Variants in TMTC2 observed in about 807,000 individuals in gnomAD.
TMTC2 encodes transmembrane O-mannosyltransferase targeting cadherins 2, also known as protein O-mannosyl-transferase TMTC2.
Under a neutral mutation model 82.4 loss-of-function variants are expected in TMTC2, and 43 were observed. The ratio of observed to expected loss-of-function variants is 0.52; its 90% CI spans 0.41 to 0.67. The LOEUF is 0.67. TMTC2 is among the 30% of genes least tolerant of loss of function. The probability of loss-of-function intolerance (pLI) is 0.00; values close to 1 mark genes in which losing one functional copy is unlikely to be tolerated. For missense variants in TMTC2, 919 were observed against 1,012.4 expected, an observed-to-expected ratio of 0.91 and a Z score of 1.25; for synonymous variants, 408 against 381.9, an observed-to-expected ratio of 1.07 and a Z score of -0.80.
At chr12:83,108,503 G>A (rs113228315) in intron 11 of TMTC2, among the ~76,000 whole-genome samples, 4 of 152,096 alleles carry the variant, frequency 2.6e-5, no homozygotes, top group South Asian at 2.1e-4. Context: ...GGTGGCACAC[G>A]CCTGTAGTCC....
intron 2 of TMTC2, among the ~76,000 whole-genome samples, chr12:82,866,744 A>G (rs1448038580): frequency 6.6e-6 from 1 of 152,214 alleles, no homozygotes; most frequent in Non-Finnish European, 1.5e-5. Context: ...CTAGAAGTTC[A>G]GTTCCTATCT....
chr12:83,005,873 C>G (rs1880177069), intron 8 of TMTC2, among the ~76,000 whole-genome samples: 1 of 152,182 alleles, frequency 6.6e-6, no homozygotes, highest in African/African-American at 2.4e-5. Flanking sequence ...GAAAGACAGC[C>G]CTGTTCTCTC....
intron 1 of TMTC2, among the ~76,000 whole-genome samples, chr12:82,836,371 A>G (rs571424336): frequency 4.6e-5 from 7 of 152,340 alleles, no homozygotes; most frequent in African/African-American, 1.7e-4. Flanking sequence ...GGTTGGACCC[A>G]GTGCATTCAC....
chr12:82,953,172 C>T (rs1247164486), intron 4 of TMTC2, among the ~76,000 whole-genome samples: 2 of 152,198 alleles, frequency 1.3e-5, no homozygotes, highest in Non-Finnish European at 2.9e-5. Flanking sequence ...AGGAAGTGCG[C>T]TCCTTTCAGG....
At chr12:82,845,183 C>G (rs137934572) in intron 1 of TMTC2, among the ~76,000 whole-genome samples, 3,596 of 126,244 alleles carry the variant, frequency 0.028, 63 homozygotes, top group Middle Eastern at 0.087. Flanking sequence ...GAGCCGAGAT[C>G]GTGCCACTGC....
chr12:82,854,367 C>T (rs1302040921), intron 1 of TMTC2, among the ~76,000 whole-genome samples: 1 of 152,120 alleles, frequency 6.6e-6, no homozygotes, highest in Non-Finnish European at 1.5e-5. Flanking sequence ...CTGCTCTGCT[C>T]TCTGCATGAT....
At chr12:82,972,421 C>T (rs948213687) in intron 7 of TMTC2, among the ~76,000 whole-genome samples, 1 of 152,020 alleles carries the variant, frequency 6.6e-6, no homozygotes, top group Non-Finnish European at 1.5e-5. Flanking sequence ...CCCATATCTT[C>T]AATAAAGAGG....
intron 11 of TMTC2, among the ~76,000 whole-genome samples, chr12:83,098,811 A>AT (rs1400528181): frequency 6.6e-6 from 1 of 152,064 alleles, no homozygotes; most frequent in Non-Finnish European, 1.5e-5. Context: ...GATTTCATGC[A>AT]TTTTACCCTT....
intron 4 of TMTC2, among the ~76,000 whole-genome samples, chr12:82,933,078 G>C (rs535354372): frequency 1.3e-5 from 2 of 152,062 alleles, no homozygotes; most frequent in African/African-American, 4.8e-5. Flanking sequence ...TTGGAAATAG[G>C]TTATGTCGTA....
At chr12:82,775,821 G>A (rs957654413) in intron 1 of TMTC2, among the ~76,000 whole-genome samples, 2 of 152,072 alleles carry the variant, frequency 1.3e-5, no homozygotes, top group African/African-American at 4.8e-5. Flanking sequence ...TCTAGTGGAA[G>A]GAGACAAAAT....
chr12:82,864,526 G>A (rs1366213702), intron 2 of TMTC2, among the ~76,000 whole-genome samples: 8 of 135,122 alleles, frequency 5.9e-5, no homozygotes, highest in East Asian at 2.1e-4. Context: ...TTTGAGAGAC[G>A]GAGTCTCTGT....
chr12:82,743,632 A>G (rs1875532124), intron 1 of TMTC2, among the ~76,000 whole-genome samples: 1 of 151,870 alleles, frequency 6.6e-6, no homozygotes, highest in African/African-American at 2.4e-5. Context: ...TCCAATTTTG[A>G]TCTTGGTTCT....
chr12:83,037,376 G>T (rs1881704262), intron 9 of TMTC2, among the ~76,000 whole-genome samples: 1 of 152,146 alleles, frequency 6.6e-6, no homozygotes, highest in Non-Finnish European at 1.5e-5. Flanking sequence ...TTTAAAAACA[G>T]CCAGAGGAAT....
chr12:82,779,214 G>T (rs993260433), intron 1 of TMTC2, among the ~76,000 whole-genome samples: 3 of 152,038 alleles, frequency 2.0e-5, no homozygotes, highest in African/African-American at 7.2e-5. Flanking sequence ...GGTTGAGCGT[G>T]TGCTAGGTGA....
chr12:83,074,462 G>T (rs1025803744), intron 11 of TMTC2, among the ~76,000 whole-genome samples: 6 of 152,096 alleles, frequency 3.9e-5, no homozygotes, highest in South Asian at 2.1e-4. Flanking sequence ...ACCATCAAGT[G>T]GGGGCAGGGC....
rs1305150088 is a variant in TMTC2, at chr12:82,741,076, C to G, written c.83+53407C>G. ...AGGGGTCATGTACTTTAGTGATACC[C>G]ACTTTGAAATTTGCATTTTGGTTTG... On this transcript the variant is annotated intron_variant, in intron 1 of 11. Coordinates refer to ENST00000321196, the MANE Select transcript of TMTC2 (RefSeq NM_152588.3). Among the ~76,000 whole-genome samples the G allele has an allele frequency of 2.6e-5, 4 of 152,272 alleles. No individual in the cohort carries two copies. The East Asian group carries it at 5.8e-4, about 22-fold the overall frequency.
At chr12:82,962,326 A>G (rs1477717098) in intron 4 of TMTC2, among the ~76,000 whole-genome samples, 1 of 152,048 alleles carries the variant, frequency 6.6e-6, no homozygotes, top group African/African-American at 2.4e-5. Context: ...CCCTTTAGGA[A>G]TGTAATTATG....
At chr12:82,899,843 TCCGG>T (rs1270089990) in intron 3 of TMTC2, among the ~76,000 whole-genome samples, 41 of 145,210 alleles carry the variant, frequency 2.8e-4, no homozygotes, top group African/African-American at 9.7e-4. Context: ...TATATACATA[TCCGG>T]AATATAGATA....
intron 1 of TMTC2, among the ~76,000 whole-genome samples, chr12:82,823,180 T>C (rs932028851): frequency 2.6e-5 from 4 of 152,204 alleles, no homozygotes; most frequent in African/African-American, 9.7e-5. Context: ...TGCTGAAACA[T>C]TTCATAAGTC....
Sources: gnomAD v4.1 joint callset for allele counts (sites outside exome capture counted in the v4.1 genomes callset) on GRCh38, gnomAD v4.1.1 for gene constraint, MANE v1.5 for transcripts, NCBI Gene and HGNC (gene_info 2026-07-23, HGNC 2026-07-21) for gene names.